Variants in PCDH11X observed in about 807,000 individuals in gnomAD.
PCDH11X encodes protocadherin-11 X-linked.
PCDH11X carries 18 observed loss-of-function variants against 53.3 expected under a neutral mutation model. The ratio of observed to expected loss-of-function variants is 0.34; its 90% confidence interval spans 0.23 to 0.50. PCDH11X has a LOEUF of 0.50. Among genes scored for constraint, PCDH11X ranks in the 20% least tolerant of loss-of-function variants. The pLI is 0.98. For synonymous variants in PCDH11X, 279 were observed against 393.3 expected (o/e 0.71, Z 3.44); for missense variants, 570 against 1,032.4 (o/e 0.55, Z 6.14).
chrX:91,953,850 C>A (rs370652016), intron 6 of PCDH11X, among the ~76,000 whole-genome samples: 82 of 110,020 alleles, frequency 7.5e-4, no homozygotes, highest in African/African-American at 2.7e-3. Flanking sequence ...GCCAAGCTGA[C>A]ATCTACAAGA....
chrX:91,886,481 A>G (rs1445444942), intron 6 of PCDH11X, among the ~76,000 whole-genome samples: 1 of 110,822 alleles, frequency 9.0e-6, no homozygotes, highest in African/African-American at 3.3e-5. Flanking sequence ...ATACTGAAAT[A>G]TATTCTCATT....
intron 8 of PCDH11X, among the ~76,000 whole-genome samples, chrX:92,314,632 C>T (rs1314928768): frequency 1.8e-5 from 2 of 111,175 alleles, no homozygotes; most frequent in East Asian, 5.6e-4. Flanking sequence ...ACGAGTAATG[C>T]ATTGCACTAC....
chrX:92,185,215 C>A (rs1319711704), intron 6 of PCDH11X, among the ~76,000 whole-genome samples: 1 of 110,533 alleles, frequency 9.0e-6, no homozygotes, highest in East Asian at 2.8e-4. Context: ...CACTGCACTA[C>A]AGCCTAGATG....
At chrX:92,567,702 G>C (rs1921643910) in intron 10 of PCDH11X, among the ~76,000 whole-genome samples, 1 of 110,020 alleles carries the variant, frequency 9.1e-6, no homozygotes, top group Admixed American at 9.8e-5. Context: ...CTTGTCTTGT[G>C]CTGGTTTTCA....
intron 6 of PCDH11X, among the ~76,000 whole-genome samples, chrX:92,115,300 AAC>A (rs1053884775): frequency 1.8e-5 from 2 of 110,728 alleles, no homozygotes; most frequent in African/African-American, 6.6e-5. Context: ...TGTTAAATGA[AAC>A]ACATATTTAT....
At chrX:91,820,276 A>G (rs1304925092) in intron 4 of PCDH11X, among the ~76,000 whole-genome samples, 2 of 76,941 alleles carry the variant, frequency 2.6e-5, no homozygotes, top group African/African-American at 6.8e-5. Context: ...GAACTAGTTT[A>G]CAGTCCCACC....
intron 10 of PCDH11X, among the ~76,000 whole-genome samples, chrX:92,608,618 G>A (rs926090486): frequency 1.0e-4 from 11 of 109,709 alleles, no homozygotes; most frequent in African/African-American, 3.6e-4. Context: ...AAAGAAGCAT[G>A]TATTATTTGG....
chrX:92,308,849 A>G (rs777541644), intron 8 of PCDH11X, among the ~76,000 whole-genome samples: 1 of 111,050 alleles, frequency 9.0e-6, no homozygotes, highest in South Asian at 3.8e-4. Context: ...TTCTCCAAAG[A>G]TAATATATAA....
chrX:91,800,575 A>G (rs1316734203), intron 1 of PCDH11X, among the ~76,000 whole-genome samples: 1 of 110,276 alleles, frequency 9.1e-6, no homozygotes, highest in African/African-American at 3.3e-5. Flanking sequence ...AACAAACATG[A>G]TACATAATAG....
intron 6 of PCDH11X, among the ~76,000 whole-genome samples, chrX:92,160,457 G>A (rs1240763478): frequency 1.8e-5 from 2 of 108,431 alleles, no homozygotes; most frequent in East Asian, 2.9e-4. Context: ...CATAGTCTCC[G>A]ATCCTATCCA....
chrX:92,204,106 A>C (rs2066436952), intron 7 of PCDH11X, among the ~76,000 whole-genome samples: 2 of 111,230 alleles, frequency 1.8e-5, no homozygotes, highest in South Asian at 7.8e-4. Flanking sequence ...CCAGCCCATA[A>C]AATCATTTTT....
chrX:92,278,622 T>C (rs1331134538), intron 8 of PCDH11X, among the ~76,000 whole-genome samples: 1 of 109,903 alleles, frequency 9.1e-6, no homozygotes, highest in East Asian at 2.9e-4. Flanking sequence ...ACAGGGTTAA[T>C]CACTCAGTTA....
chrX:91,911,539 C>T (rs376422190), intron 6 of PCDH11X, among the ~76,000 whole-genome samples: 91 of 107,399 alleles, frequency 8.5e-4, no homozygotes, highest in African/African-American at 3.0e-3. Context: ...GTTATGCTAT[C>T]AAGTACTACA....
At chrX:92,597,335 C>T (rs1231092197) in intron 10 of PCDH11X, among the ~76,000 whole-genome samples, 8 of 109,817 alleles carry the variant, frequency 7.3e-5, no homozygotes, top group Non-Finnish European at 1.1e-4. Flanking sequence ...TAAACTTGCA[C>T]GATATGAAAT....
At chrX:92,190,203 A>G (rs765149019) in intron 6 of PCDH11X, among the ~76,000 whole-genome samples, 2 of 111,702 alleles carry the variant, frequency 1.8e-5, no homozygotes, top group South Asian at 7.5e-4. Context: ...TGGGTTTTAC[A>G]TATAAGTCTT....
At chrX:92,133,131 G>C (rs1344248610) in intron 6 of PCDH11X, among the ~76,000 whole-genome samples, 2 of 111,129 alleles carry the variant, frequency 1.8e-5, no homozygotes, top group African/African-American at 6.5e-5. Flanking sequence ...ACATCAAGTA[G>C]ATTTTAGACT....
intron 6 of PCDH11X, among the ~76,000 whole-genome samples, chrX:91,998,861 C>A (rs2062462271): frequency 9.1e-6 from 1 of 110,400 alleles, no homozygotes; most frequent in South Asian, 3.8e-4. Flanking sequence ...TAATCTATTT[C>A]CTGATTGATA....
intron 6 of PCDH11X, among the ~76,000 whole-genome samples, chrX:92,016,792 C>G (rs2062801422): frequency 9.0e-6 from 1 of 111,674 alleles, no homozygotes; most frequent in Non-Finnish European, 1.9e-5. Context: ...GTAGCACTTT[C>G]AATTTTCTTC....
intron 6 of PCDH11X, among the ~76,000 whole-genome samples, chrX:92,087,709 G>A (rs1477077813): frequency 9.1e-6 from 1 of 109,647 alleles, no homozygotes; most frequent in Non-Finnish European, 1.9e-5. Context: ...CATGATAATC[G>A]TTTTCAAATG....
Sources: allele counts gnomAD v4.1 joint callset (sites outside exome capture counted in the v4.1 genomes callset), GRCh38; gene constraint gnomAD v4.1.1; transcripts MANE v1.5; gene names NCBI Gene and HGNC (gene_info 2026-07-23, HGNC 2026-07-21).